The following MTMR14 variants were observed in gnomAD, a reference collection of about 807,000 sequenced individuals.
MTMR14 encodes the protein myotubularin related protein 14.
In MTMR14, 48 loss-of-function variants were observed where a neutral mutation model predicts 86.3. The observed-to-expected ratio is 0.56, with a 90% CI of 0.44 to 0.71. The LOEUF (loss-of-function observed/expected upper bound fraction) is 0.71. MTMR14 is among the 30% of genes least tolerant of loss of function. MTMR14 has a pLI of 0.00. For synonymous variants in MTMR14, 366 were observed against 326.1 expected, an observed-to-expected ratio of 1.12 and a Z score of -1.32; for missense variants, 780 against 834.6, an observed-to-expected ratio of 0.93 and a Z score of 0.81.
chr3:9,661,724 A>C (rs569506762), intron 2 of MTMR14, among the ~76,000 whole-genome samples: 3 of 151,046 alleles, frequency 2.0e-5, no homozygotes, highest in Non-Finnish European at 4.4e-5. Context: ...AGTTTAGCTC[A>C]CTTTTTTTTT....
rs2076461852 is a variant in MTMR14 at position 9,701,657 on chromosome 3, G to A, written c.1770-133G>A. 4 of 1,060,204 alleles carry A rather than the reference G, an allele frequency of 3.8e-6. No homozygotes were observed. The highest frequency in any genetic ancestry group is 5.7e-6 in the Non-Finnish European group (4 of 704,464). 65.7% of individuals were successfully genotyped at this position (1,060,204 alleles called of 1,614,324 possible). A position where few individuals can be genotyped will look rare whatever the true frequency, so the allele number is the denominator to read the frequency against. ...GGGGCCTGAACCACAAGGATAGCAT[G>A]GCCGTAGGACAGACACTGGCCTTGT... On this transcript the variant is annotated intron_variant, in intron 18 of 18. Coordinates refer to ENST00000296003, the MANE Select transcript of MTMR14 (RefSeq NM_001077525.3). The surrounding 1 kb of genome is among the most constrained non-coding windows in gnomAD (Gnocchi z 4.2).
At chr3:9,654,197 T>A (rs1445599711) in intron 2 of MTMR14, among the ~76,000 whole-genome samples, 1 of 152,222 alleles carries the variant, frequency 6.6e-6, no homozygotes, top group Non-Finnish European at 1.5e-5. Flanking sequence ...TGGATTCCCC[T>A]GTTGCTGGCT....
chr3:9,685,238 A>G lies in MTMR14; in HGVS notation c.1155A>G (p.Lys385=). The change falls in exon 13 of 19, where the codon AAA becomes AAG. Residue 385 remains lysine (K), a synonymous_variant. Coordinates refer to ENST00000296003, the MANE Select transcript of MTMR14 (RefSeq NM_001077525.3). ...ACATGTTGGTAGATCGGCTCAGCAA[A>G]GGGGAGGAGGTGAGTATACCACCTA... ...FGHMLVDRLS[K]GEEIFFFCFN... 1 of 1,614,016 alleles carries G rather than the reference A, an allele frequency of 6.2e-7. No homozygotes were observed. The highest frequency in any genetic ancestry group is 8.5e-7 in the Non-Finnish European group (1 of 1,179,996).
intron 17 of MTMR14, among the ~76,000 whole-genome samples, chr3:9,694,594 G>A (rs1575081999): frequency 6.6e-6 from 1 of 152,162 alleles, no homozygotes. Context: ...ACCTTTTCAC[G>A]AATGCTCAGT....
At chr3:9,658,969 C>G (rs550859337) in intron 2 of MTMR14, among the ~76,000 whole-genome samples, 2 of 152,200 alleles carry the variant, frequency 1.3e-5, no homozygotes, top group Admixed American at 6.5e-5. Flanking sequence ...ATGGGCGTTT[C>G]GCTTGAACCC....
intron 13 of MTMR14, 81 bp from the exon 14 acceptor site, chr3:9,687,740 C>G: frequency 8.4e-7 from 1 of 1,192,646 alleles, no homozygotes; most frequent in Non-Finnish European, 1.2e-6. Flanking sequence ...GGGGCCTTGA[C>G]CTGAGTGGCT....
At chr3:9,667,020 C>G (rs1466135881) in intron 3 of MTMR14, among the ~76,000 whole-genome samples, 2 of 152,122 alleles carry the variant, frequency 1.3e-5, no homozygotes, top group Admixed American at 1.3e-4. Flanking sequence ...GTTTTGCTGG[C>G]CTAGGTCTGG....
chr3:9,687,835 C>T lies in MTMR14; in HGVS notation c.1179C>T (p.Cys393=), dbSNP rs940857214. The part of the protein sequence containing the change: ...LSKGEEIFFF[C]FNFLKHITSE... ...GTCTCCTTTAGATTTTCTTCTTCTG[C>T]TTCAATTTTTTGAAGCATATTACCT... The change falls in exon 14 of 19, where the codon TGC becomes TGT. Residue 393 remains cysteine (C), a synonymous_variant. Coordinates refer to ENST00000296003, the MANE Select transcript of MTMR14 (RefSeq NM_001077525.3). The T allele has an allele frequency of 2.1e-5, 33 of 1,579,020 alleles. No individual in the cohort carries two copies. The highest frequency in any genetic ancestry group is 1.1e-4 in the Admixed American group (6 of 55,150).
In MTMR14 at chr3:9,669,492, G is replaced by T; in HGVS notation, c.554G>T (p.Arg185Leu). 6.2e-7 allele frequency: 1 copy of T among 1,613,004 alleles called. No individual in the cohort carries two copies. The change falls in exon 5 of 19, where the codon CGA (arginine) becomes CTA (leucine). Residue 185 changes from arginine to leucine, a missense_variant and splice_region_variant. Transcript: ENST00000296003. ...GTCACGGAGGAGGACTGTGCTCTTCGGTCAGTGCTGGGTTGCTGTGGTCAG... is the reference window on the plus strand; with the variant it reads ...GTCACGGAGGAGGACTGTGCTCTTCTGTCAGTGCTGGGTTGCTGTGGTCAG... Reference protein sequence around the residue: ...EDVTEEDCALRSGDTHLFDKV... With the variant: ...EDVTEEDCALLSGDTHLFDKV...
Position 9,702,001 on chromosome 3 carries a change from T to A in MTMR14, c.*28T>A. On this transcript the variant is annotated 3_prime_UTR_variant, in exon 19 of 19. Transcript: ENST00000296003. ...AAGCCAGCCCATGACATTTTCCTGC[T>A]CCTCTCTCAGCTGAGCCCTTAGCAG... 6.2e-7 allele frequency: 1 copy of A among 1,613,456 alleles called. No individual in the cohort carries two copies. Among genetic ancestry groups the A allele is most frequent in the Non-Finnish European group, 8.5e-7 (1 of 1,179,926 alleles).
Position 9,649,546 on chromosome 3 carries a change from C to A in MTMR14, c.-38C>A, listed in dbSNP as rs1229969405. 2.0e-6 allele frequency: 3 copies of A among 1,519,660 alleles called. No individual in the cohort carries two copies. Among genetic ancestry groups the A allele is most frequent in the Non-Finnish European group, 2.6e-6 (3 of 1,135,432 alleles). 94.1% of individuals were successfully genotyped at this position (1,519,660 alleles called of 1,614,324 possible). ...GTTGGGTGCAGGCAGGTGCCATGGG[C>A]CCGCTTGAGGCACACTGAGGGGACG... On this transcript the variant is annotated 5_prime_UTR_variant, in exon 1 of 19. Coordinates refer to ENST00000296003, the MANE Select transcript of MTMR14 (RefSeq NM_001077525.3).
intron 3 of MTMR14, 89 bp downstream of exon 3, chr3:9,662,464 C>A: frequency 9.5e-7 from 1 of 1,049,932 alleles, no homozygotes; most frequent in Non-Finnish European, 1.5e-6. Context: ...TTTCCCTCAA[C>A]ATTAGTAGCC....
At chr3:9,656,001 C>G (rs940683631) in intron 2 of MTMR14, among the ~76,000 whole-genome samples, 1 of 151,950 alleles carries the variant, frequency 6.6e-6, no homozygotes, top group Non-Finnish European at 1.5e-5. Context: ...TTGAGACCAT[C>G]CTGGCCAACA....
chr3:9,697,961 C>T (rs552207113), intron 18 of MTMR14, 95 bp downstream of exon 18: 7 of 1,551,354 alleles, frequency 4.5e-6, no homozygotes, highest in East Asian at 2.2e-5. Context: ...GGCTGGCGCT[C>T]AGGAGCTGGC....
chr3:9,669,369 G>C, intron 4 of MTMR14, 63 bp from the exon 5 acceptor site: 1 of 1,554,388 alleles, frequency 6.4e-7, no homozygotes. Context: ...GGCTGGTGAG[G>C]AGGCCCCTGT....
chr3:9,650,560 T>C, intron 1 of MTMR14: 1 of 339,028 alleles, frequency 2.9e-6, no homozygotes, highest in Admixed American at 3.7e-5. Context: ...TGGCATCTTG[T>C]AGTCTCTGAA....
chr3:9,657,790 C>A (rs1437448920), intron 2 of MTMR14, among the ~76,000 whole-genome samples: 1 of 152,062 alleles, frequency 6.6e-6, no homozygotes, highest in East Asian at 1.9e-4. Flanking sequence ...ACCTCGTGAT[C>A]CACTGGTCTC....
At chr3:9,659,609 A>G (rs1198165276) in intron 2 of MTMR14, 1 of 425,626 alleles carries the variant, frequency 2.3e-6, no homozygotes, top group African/African-American at 2.0e-5. Flanking sequence ...ACGCCTGTCT[A>G]ATTTTTGTAG....
intron 3 of MTMR14, among the ~76,000 whole-genome samples, chr3:9,665,174 C>A (rs1450685313): frequency 1.3e-5 from 2 of 151,714 alleles, no homozygotes; most frequent in African/African-American, 4.8e-5. Context: ...CCCAGCTACT[C>A]CGGAGGCTGA....
Sources: gnomAD v4.1 joint callset for allele counts (sites outside exome capture counted in the v4.1 genomes callset) on GRCh38, gnomAD v4.1.1 for gene constraint, Gnocchi (gnomAD v3.1) non-coding constraint, MANE v1.5 for transcripts, NCBI Gene and HGNC (gene_info 2026-07-23, HGNC 2026-07-21) for gene names.